The following FANCB variants were observed in gnomAD, a reference collection of about 807,000 sequenced individuals.
FANCB encodes FA complementation group B, also known as Fanconi anemia group B protein.
A neutral mutation model predicts 38.9 loss-of-function variants in FANCB; 5 were observed. The observed-to-expected ratio is 0.13, with a 90% CI of 0.07 to 0.27. The LOEUF (loss-of-function observed/expected upper bound fraction) is 0.27. Ranked by LOEUF, FANCB falls within the 10% of genes least tolerant of loss-of-function variation. The pLI is 1.00. For synonymous variants in FANCB, 236 were observed against 215.4 expected, an observed-to-expected ratio of 1.10 and a Z score of -0.84; for missense variants, 573 against 602.7, an observed-to-expected ratio of 0.95 and a Z score of 0.52.
the FANCB span, among the ~76,000 whole-genome samples, chrX:14,733,183 T>C: frequency 1.2e-3 from 132 of 111,727 alleles, no homozygotes; most frequent in Non-Finnish European, 2.0e-3. Context: ...TGGTTGTAGA[T>C]GTGTGGTATT....
chrX:14,740,962 A>ACACACACACACACG, the FANCB span, among the ~76,000 whole-genome samples: 5 of 110,065 alleles, frequency 4.5e-5, no homozygotes, highest in African/African-American at 1.3e-4. Flanking sequence ...AAACACATGC[A>ACACACACACACACG]CACACACACA....
chrX:14,787,080 G>C, the FANCB span, among the ~76,000 whole-genome samples: 1 of 110,664 alleles, frequency 9.0e-6, no homozygotes. Context: ...ACTTAGGGTA[G>C]GGGGTTGCTG....
chrX:14,709,010 G>A, the FANCB span, among the ~76,000 whole-genome samples: 3 of 111,638 alleles, frequency 2.7e-5, no homozygotes, highest in Non-Finnish European at 5.6e-5. Flanking sequence ...AAAATATATC[G>A]TCTTAGAACC....
chrX:14,871,821 C>CT (rs1292290008), intron 1 of FANCB, among the ~76,000 whole-genome samples: 3 of 77,529 alleles, frequency 3.9e-5, no homozygotes, highest in African/African-American at 1.4e-4. Context: ...GTGCCATGTA[C>CT]TATTTTTTTT....
chrX:14,851,838 G>GT (rs1280123201), intron 6 of FANCB, among the ~76,000 whole-genome samples: 33 of 111,936 alleles, frequency 2.9e-4, no homozygotes, highest in Non-Finnish European at 4.5e-4. Flanking sequence ...GCAACACAAT[G>GT]TTTTTTTGTT....
chrX:14,849,389 A>T (rs1460777707), intron 7 of FANCB, among the ~76,000 whole-genome samples: 1 of 111,923 alleles, frequency 8.9e-6, no homozygotes, highest in Admixed American at 9.5e-5. Flanking sequence ...AACCCACTAG[A>T]TAAGTAGTCT....
At chrX:14,719,843 T>C in the FANCB span, among the ~76,000 whole-genome samples, 2 of 112,314 alleles carry the variant, frequency 1.8e-5, no homozygotes, top group Non-Finnish European at 3.8e-5. Context: ...GTAGTGTTCA[T>C]ACATAATGGA....
chrX:14,837,332 A>G (rs146141547), intron 10 of FANCB, among the ~76,000 whole-genome samples: 2,743 of 112,373 alleles, frequency 0.024, 36 homozygotes, highest in Non-Finnish European at 0.041. Context: ...CAGGGCCTAG[A>G]CATGTTTCAA....
chrX:14,753,359 G>A, the FANCB span, among the ~76,000 whole-genome samples: 1 of 111,566 alleles, frequency 9.0e-6, no homozygotes, highest in Non-Finnish European at 1.9e-5. Context: ...CTGACATTTT[G>A]GAAAAATGCA....
the FANCB span, among the ~76,000 whole-genome samples, chrX:14,703,371 A>G: frequency 1.1e-4 from 12 of 111,617 alleles, no homozygotes; most frequent in Non-Finnish European, 2.3e-4. Context: ...GTTCAAAGCC[A>G]TAACATTGCA....
the FANCB span, among the ~76,000 whole-genome samples, chrX:14,700,534 G>C: frequency 8.9e-6 from 1 of 111,765 alleles, no homozygotes; most frequent in African/African-American, 3.3e-5. Flanking sequence ...AAAATTCATA[G>C]TATCTAAAGA....
the FANCB span, among the ~76,000 whole-genome samples, chrX:14,797,642 C>T: frequency 2.9e-5 from 3 of 105,090 alleles, no homozygotes; most frequent in South Asian, 1.3e-3. Flanking sequence ...AGACCGCACC[C>T]CTGTACTCCA....
chrX:14,745,739 G>A, the FANCB span, among the ~76,000 whole-genome samples: 3 of 75,464 alleles, frequency 4.0e-5, no homozygotes, highest in African/African-American at 5.5e-5. Context: ...TCACTCTGTC[G>A]CCCAGGCTGG....
At chrX:14,858,019 AAACT>A (rs777787636) in intron 4 of FANCB, 65 bp from the exon 5 acceptor site, 21 of 685,282 alleles carry the variant, frequency 3.1e-5, no homozygotes, top group African/African-American at 1.7e-4. Flanking sequence ...AAAATTCACA[AAACT>A]AACAAAATAC....
chrX:14,817,856 A>G, the FANCB span, among the ~76,000 whole-genome samples: 210 of 111,981 alleles, frequency 1.9e-3, 2 homozygotes, highest in Non-Finnish European at 5.4e-4. Flanking sequence ...TTCCGGAAAG[A>G]TGAAGTGCAC....
chrX:14,845,946 G>A (rs1166836247), intron 7 of FANCB, among the ~76,000 whole-genome samples: 2 of 111,606 alleles, frequency 1.8e-5, no homozygotes, highest in African/African-American at 6.5e-5. Context: ...ACCAAAGAAA[G>A]AACTTGAATG....
chrX:14,755,547 C>T, the FANCB span, among the ~76,000 whole-genome samples: 1 of 111,464 alleles, frequency 9.0e-6, no homozygotes. Flanking sequence ...ATCCCACTTA[C>T]AACAGCTACA....
chrX:14,732,703 T>A, the FANCB span, among the ~76,000 whole-genome samples: 11 of 112,382 alleles, frequency 9.8e-5, no homozygotes, highest in African/African-American at 3.2e-4. Flanking sequence ...TCTGTTCATA[T>A]CCTTTGCCCA....
At chrX:14,798,384 G>A in the FANCB span, among the ~76,000 whole-genome samples, 36 of 110,865 alleles carry the variant, frequency 3.2e-4, no homozygotes, top group African/African-American at 1.0e-3. Context: ...GGATGATCTC[G>A]ATCTCCTGAC....
Sources: gnomAD v4.1 joint callset for allele counts (sites outside exome capture counted in the v4.1 genomes callset) on GRCh38, gnomAD v4.1.1 for gene constraint, MANE v1.5 for transcripts, NCBI Gene and HGNC (gene_info 2026-07-23, HGNC 2026-07-21) for gene names.